UGT1A10: variants seen among roughly 807,000 people sequenced by gnomAD.
UGT1A10 encodes UDP glucuronosyltransferase family 1 member A10.
A neutral mutation model predicts 45.8 loss-of-function variants in UGT1A10; 49 were observed. That is an observed-to-expected ratio of 1.07 (90% CI 0.85 to 1.36). The LOEUF (loss-of-function observed/expected upper bound fraction) is 1.36, where lower values mean the gene tolerates loss of function less well. Among genes scored for constraint, UGT1A10 ranks in the 40% most tolerant of loss-of-function variants. UGT1A10 has a pLI of 0.00. For synonymous variants in UGT1A10, 284 were observed against 249.7 expected (o/e 1.14, Z -1.29); for missense variants, 745 against 668.6 (o/e 1.11, Z -1.26).
At chr2:233,656,704 T>C (rs747123695) in intron 1 of UGT1A10, among the ~76,000 whole-genome samples, 9 of 151,802 alleles carry the variant, frequency 5.9e-5, no homozygotes, top group Non-Finnish European at 1.0e-4. Flanking sequence ...AGGGAGGGAG[T>C]GTGACGAGGC....
At chr2:233,746,247 A>C (rs939163155) in intron 1 of UGT1A10, among the ~76,000 whole-genome samples, 2 of 151,776 alleles carry the variant, frequency 1.3e-5, no homozygotes, top group Admixed American at 6.6e-5. Flanking sequence ...AAAAGATACA[A>C]GGCAGAACAG....
At chr2:233,740,871 A>C (rs1370147954) in intron 1 of UGT1A10, 1 of 151,850 alleles carries the variant, frequency 6.6e-6, no homozygotes, top group Non-Finnish European at 1.5e-5. Context: ...TCTTTAAATA[A>C]AATGCTCTTG....
intron 1 of UGT1A10, chr2:233,741,606 TTCAG>T (rs1691716014): frequency 1.3e-5 from 2 of 151,870 alleles, no homozygotes; most frequent in South Asian, 4.1e-4. Context: ...GATTTCAGAG[TTCAG>T]TGTCAGACCC....
chr2:233,758,784 C>CAGT (rs1243444315), intron 1 of UGT1A10, among the ~76,000 whole-genome samples: 1 of 152,158 alleles, frequency 6.6e-6, no homozygotes, highest in Non-Finnish European at 1.5e-5. Context: ...GGGATCTGTG[C>CAGT]AGTTATCTTG....
intron 1 of UGT1A10, among the ~76,000 whole-genome samples, chr2:233,734,828 G>A (rs1303318660): frequency 6.6e-6 from 1 of 152,222 alleles, no homozygotes; most frequent in African/African-American, 2.4e-5. Flanking sequence ...GCGATTTTGA[G>A]TGAGTTTCTT....
At chr2:233,679,973 G>T (rs1378862752) in intron 1 of UGT1A10, among the ~76,000 whole-genome samples, 1 of 152,174 alleles carries the variant, frequency 6.6e-6, no homozygotes, top group Non-Finnish European at 1.5e-5. Flanking sequence ...CATAGCTGCA[G>T]CAATGTCTTC....
intron 1 of UGT1A10, among the ~76,000 whole-genome samples, chr2:233,700,770 G>A (rs909879042): frequency 6.6e-6 from 1 of 151,558 alleles, no homozygotes; most frequent in African/African-American, 2.4e-5. Flanking sequence ...TGTGCACAAC[G>A]TACAGGTTTG....
intron 1 of UGT1A10, among the ~76,000 whole-genome samples, chr2:233,702,924 G>A (rs1214715123): frequency 2.0e-5 from 3 of 152,026 alleles, no homozygotes; most frequent in African/African-American, 7.2e-5. Context: ...ATTTTCTTGC[G>A]GAGCCTTGGT....
At chr2:233,760,414 AT>A in intron 1 of UGT1A10, 1 of 1,614,212 alleles carries the variant, frequency 6.2e-7, no homozygotes, top group Non-Finnish European at 8.5e-7. Flanking sequence ...CTGGCTGAGC[AT>A]GCTTGGGGCC....
chr2:233,661,936 G>A (rs1259555058), intron 1 of UGT1A10, among the ~76,000 whole-genome samples: 1 of 151,920 alleles, frequency 6.6e-6, no homozygotes, highest in Admixed American at 6.6e-5. Flanking sequence ...TGTTTACTGT[G>A]ATACACAATT....
intron 1 of UGT1A10, chr2:233,760,308 C>A (rs780253764): frequency 4.3e-6 from 7 of 1,613,678 alleles, no homozygotes; most frequent in South Asian, 1.1e-5. Context: ...AGTCCCAGGG[C>A]GGACGCCCAC....
rs45531144 is a variant in UGT1A10 at position 233,694,707 on chromosome 2, C to T, written c.855+57330C>T. 5.7e-3 allele frequency among the ~76,000 whole-genome samples: 869 copies of T among 152,246 alleles called. 43 individuals are homozygous for T. In the East Asian group the frequency reaches 0.11, roughly 19 times the overall value. ...CAAAGACCCTTACCTCTCTTCTTTA[C>T]ACCTGCTGATTTCTCTGTTAACAAT... On this transcript the variant is annotated intron_variant, in intron 1 of 4. Coordinates refer to ENST00000344644, the MANE Select transcript of UGT1A10 (RefSeq NM_019075.4).
In UGT1A10 at chr2:233,682,681, A is replaced by G. The variant is rs771388089; in HGVS notation, c.855+45304A>G. On this transcript the variant is annotated intron_variant, in intron 1 of 4. Coordinates refer to ENST00000344644, the MANE Select transcript of UGT1A10 (RefSeq NM_019075.4). ...CGGCATATGATCTCTACAGCCACAC[A>G]TCAATTTGGTTGTTGCGAACTGACT... The G allele has an allele frequency of 1.2e-5, 19 of 1,613,742 alleles. No homozygotes were observed. The Admixed American group carries it at 3.2e-4, about 27-fold the overall frequency.
chr2:233,772,497 T>A lies in UGT1A10; in HGVS notation c.1531T>A (p.Tyr511Asn). The change falls in exon 5 of 5, where the codon TAC becomes AAC. Residue 511 changes from tyrosine to asparagine, a missense_variant. By Grantham distance (143) the Tyr-to-Asn change is moderately radical (BLOSUM62 -2). Coordinates refer to ENST00000344644, the MANE Select transcript of UGT1A10 (RefSeq NM_019075.4). ...CACCTTTAAATGTTGTGCTTATGGC[T>A]ACCGGAAATGCTTGGGGAAAAAAGG... ...FITFKCCAYGYRKCLGKKGRV... is the reference protein window; with the variant it reads ...FITFKCCAYGNRKCLGKKGRV... The A allele has an allele frequency of 6.2e-7, 1 of 1,614,126 alleles. No homozygotes were observed. The highest frequency in any genetic ancestry group is 8.5e-7 in the Non-Finnish European group (1 of 1,180,040).
chr2:233,758,064 T>C (rs941779241), intron 1 of UGT1A10, among the ~76,000 whole-genome samples: 1 of 152,184 alleles, frequency 6.6e-6, no homozygotes, highest in African/African-American at 2.4e-5. Context: ...CTAACTTGAC[T>C]TTCTGGGCCT....
At chr2:233,719,047 C>A in intron 1 of UGT1A10, 2 of 1,614,252 alleles carry the variant, frequency 1.2e-6, no homozygotes, top group Non-Finnish European at 1.7e-6. Flanking sequence ...AAATTTTTCA[C>A]CCTGACAGCC....
intron 1 of UGT1A10, chr2:233,713,771 C>T (rs780343524): frequency 3.7e-6 from 6 of 1,614,000 alleles, no homozygotes; most frequent in Non-Finnish European, 5.1e-6. Flanking sequence ...TCCGAGGGGA[C>T]TTTGTGATGG....
rs780552187 is a variant in UGT1A10, at chr2:233,682,061, C to T, written c.855+44684C>T. 10 of 1,613,980 alleles carry T rather than the reference C, an allele frequency of 6.2e-6. No homozygotes were observed. In the African/African-American group the frequency reaches 1.1e-4, roughly 17 times the overall value. Reference sequence around the variant, plus strand: ...GGATGGGAGCCACTGGTTCACCATGCAGTCGGTGGTGGAGAAACTCATCCT... The same window carrying T: ...GGATGGGAGCCACTGGTTCACCATGTAGTCGGTGGTGGAGAAACTCATCCT... On this transcript the variant is annotated intron_variant, in intron 1 of 4. Coordinates refer to ENST00000344644, the MANE Select transcript of UGT1A10 (RefSeq NM_019075.4).
At chr2:233,680,544 G>T (rs10197460) in intron 1 of UGT1A10, among the ~76,000 whole-genome samples, 51,748 of 151,856 alleles carry the variant, frequency 0.34, 9,226 homozygotes, top group South Asian at 0.41. Flanking sequence ...AATCCCTCAC[G>T]AAATGCTCCT....
Sources: allele counts gnomAD v4.1 joint callset (sites outside exome capture counted in the v4.1 genomes callset), GRCh38; gene constraint gnomAD v4.1.1; transcripts MANE v1.5; gene names NCBI Gene and HGNC (gene_info 2026-07-23, HGNC 2026-07-21).